UBAP1: variants seen among roughly 807,000 people sequenced by gnomAD.
UBAP1 encodes the protein ubiquitin associated protein 1.
Under a neutral mutation model 39.0 loss-of-function variants are expected in UBAP1, and 5 were observed. That is an observed-to-expected ratio of 0.13 (90% CI 0.07 to 0.27). The LOEUF (loss-of-function observed/expected upper bound fraction) is 0.27. UBAP1 is among the 10% of genes least tolerant of loss of function. UBAP1 has a pLI of 1.00. For synonymous variants in UBAP1, 211 were observed against 225.1 expected, an observed-to-expected ratio of 0.94 and a Z score of 0.56; for missense variants, 490 against 608.1, an observed-to-expected ratio of 0.81 and a Z score of 2.04.
intron 3 of UBAP1, among the ~76,000 whole-genome samples, chr9:34,234,697 G>A (rs945741837): frequency 5.3e-5 from 8 of 152,064 alleles, no homozygotes; most frequent in African/African-American, 1.2e-4. Context: ...ACATGGTAGC[G>A]CAATGCATTA....
intron 1 of UBAP1, among the ~76,000 whole-genome samples, chr9:34,187,719 A>T (rs55790724): frequency 0.12 from 18,608 of 151,028 alleles, 1,482 homozygotes; most frequent in Non-Finnish European, 0.18. Flanking sequence ...TTTTTTTTTT[A>T]AACTCTGTCC....
At chr9:34,207,732 G>T (rs1312237512) in intron 1 of UBAP1, among the ~76,000 whole-genome samples, 1 of 151,372 alleles carries the variant, frequency 6.6e-6, no homozygotes, top group Non-Finnish European at 1.5e-5. Flanking sequence ...GGCTTAAGCA[G>T]TTCTCTTGTT....
In UBAP1 at chr9:34,247,559, G is replaced by C. The variant is rs372166386; in HGVS notation, c.1084-2220G>C. Among the ~76,000 whole-genome samples, 25 of 151,906 alleles carry C rather than the reference G, an allele frequency of 1.6e-4. No homozygotes were observed. The South Asian group carries it at 5.2e-3, about 32-fold the overall frequency. ...CCTACCTCAGCCTCCCAAGTAGTTG[G>C]GATTACAGGAATGCACCACCACACT... On this transcript the variant is annotated intron_variant, in intron 4 of 6. Coordinates refer to ENST00000297661, the MANE Select transcript of UBAP1 (RefSeq NM_016525.5).
chr9:34,246,166 A>C (rs1193323696), intron 4 of UBAP1, among the ~76,000 whole-genome samples: 1 of 152,156 alleles, frequency 6.6e-6, no homozygotes, highest in Non-Finnish European at 1.5e-5. Context: ...TCCTGGGCTC[A>C]AGTGATCCTC....
At chr9:34,187,300 G>A (rs1830458435) in intron 1 of UBAP1, among the ~76,000 whole-genome samples, 1 of 152,086 alleles carries the variant, frequency 6.6e-6, no homozygotes, top group Non-Finnish European at 1.5e-5. Flanking sequence ...TCTATAATGT[G>A]GTATATCTCA....
chr9:34,215,745 A>G (rs1214635334), intron 1 of UBAP1, among the ~76,000 whole-genome samples: 2 of 151,856 alleles, frequency 1.3e-5, no homozygotes, highest in East Asian at 1.9e-4. Flanking sequence ...GTGTACATAT[A>G]TATATGTACA....
intron 1 of UBAP1, among the ~76,000 whole-genome samples, chr9:34,194,188 T>C (rs775862930): frequency 2.0e-5 from 3 of 152,242 alleles, no homozygotes; most frequent in Non-Finnish European, 4.4e-5. Flanking sequence ...TTACTAATTT[T>C]CTGTAAAGTT....
At chr9:34,213,228 A>C (rs1031988494) in intron 1 of UBAP1, among the ~76,000 whole-genome samples, 2 of 152,194 alleles carry the variant, frequency 1.3e-5, no homozygotes, top group Non-Finnish European at 2.9e-5. Context: ...TCTCTGGGCC[A>C]GGTGCAGTGG....
intron 2 of UBAP1, among the ~76,000 whole-genome samples, chr9:34,223,745 G>T (rs978648892): frequency 2.6e-5 from 4 of 152,174 alleles, no homozygotes; most frequent in African/African-American, 4.8e-5. Context: ...GTGAGCCACC[G>T]TGCCCGGCCC....
In UBAP1 at chr9:34,185,855, AAAAC is replaced by A. The variant is rs377178327; in HGVS notation, c.-8+6629_-8+6632del. Among the ~76,000 whole-genome samples, 264 of 152,342 alleles carry A rather than the reference AAAAC, an allele frequency of 1.7e-3. 1 individual carries two copies. The highest frequency in any genetic ancestry group is 0.016 in the East Asian group (82 of 5,186). On this transcript the variant is annotated intron_variant, in intron 1 of 6. Coordinates refer to ENST00000297661, the MANE Select transcript of UBAP1 (RefSeq NM_016525.5). ...AACGCATCTCTGTCTCAAAAAAAGA[AAAAC>A]AAACAAACAAACACATTCAGTTCTC...
At chr9:34,224,021 A>G in intron 2 of UBAP1, 1 of 501,768 alleles carries the variant, frequency 2.0e-6, no homozygotes, top group Non-Finnish European at 3.6e-6. Context: ...CCTAAGATAG[A>G]ACTCCAACTC....
At chr9:34,230,158 G>T (rs996842649) in intron 2 of UBAP1, among the ~76,000 whole-genome samples, 10 of 152,152 alleles carry the variant, frequency 6.6e-5, no homozygotes, top group African/African-American at 2.4e-4. Flanking sequence ...CTGCCTCCCG[G>T]GTTAAAGCAA....
chr9:34,184,565 A>T (rs1246047537), intron 1 of UBAP1, among the ~76,000 whole-genome samples: 2 of 140,266 alleles, frequency 1.4e-5, no homozygotes, highest in Admixed American at 7.3e-5. Context: ...CGGGAGGTGG[A>T]GCTTGCAGTG....
intron 4 of UBAP1, among the ~76,000 whole-genome samples, chr9:34,246,061 G>A (rs1256727347): frequency 1.3e-5 from 2 of 152,056 alleles, no homozygotes; most frequent in Admixed American, 6.6e-5. Context: ...TTGCTTTAAA[G>A]ATGAATACAG....
chr9:34,246,585 T>C (rs924529628), intron 4 of UBAP1, among the ~76,000 whole-genome samples: 2 of 152,256 alleles, frequency 1.3e-5, no homozygotes, highest in African/African-American at 2.4e-5. Flanking sequence ...CTCACACTAA[T>C]GTAATGTGAT....
chr9:34,183,832 G>GATCATTGGGAAT (rs1830226273), intron 1 of UBAP1, among the ~76,000 whole-genome samples: 1 of 150,056 alleles, frequency 6.7e-6, no homozygotes, highest in Non-Finnish European at 1.5e-5. Flanking sequence ...GTGCAATGGC[G>GATCATTGGGAAT]CCATCTCAGC....
chr9:34,182,335 C>A (rs1217004471), intron 1 of UBAP1, among the ~76,000 whole-genome samples: 1 of 151,680 alleles, frequency 6.6e-6, no homozygotes, highest in Non-Finnish European at 1.5e-5. Flanking sequence ...CAGGCACCCA[C>A]CACCACACCC....
intron 1 of UBAP1, among the ~76,000 whole-genome samples, chr9:34,182,629 T>TTC (rs753180638): frequency 4.1e-5 from 2 of 48,594 alleles, no homozygotes; most frequent in East Asian, 8.4e-4. Context: ...CTTTCTTTCT[T>TTC]TCTTTCTTTC....
intron 2 of UBAP1, among the ~76,000 whole-genome samples, chr9:34,221,253 G>A (rs1832739091): frequency 6.6e-6 from 1 of 152,096 alleles, no homozygotes; most frequent in Admixed American, 6.6e-5. Context: ...TTACTGGCTG[G>A]GCGCGGTGGT....
Sources: gnomAD v4.1 joint callset for allele counts (sites outside exome capture counted in the v4.1 genomes callset) on GRCh38, gnomAD v4.1.1 for gene constraint, MANE v1.5 for transcripts, NCBI Gene and HGNC (gene_info 2026-07-23, HGNC 2026-07-21) for gene names.